The following TMEM163 variants were observed in gnomAD, a reference collection of about 807,000 sequenced individuals.
TMEM163 encodes the protein transmembrane protein 163.
A neutral mutation model predicts 29.3 loss-of-function variants in TMEM163; 17 were observed. That is an observed-to-expected ratio of 0.58 (90% CI 0.40 to 0.87). The LOEUF is 0.87. Ranked by LOEUF, TMEM163 falls within the 40% of genes least tolerant of loss-of-function variation. TMEM163 has a pLI of 0.00. For synonymous variants in TMEM163, 157 were observed against 160.6 expected, an observed-to-expected ratio of 0.98 and a Z score of 0.17; for missense variants, 303 against 381.5, an observed-to-expected ratio of 0.79 and a Z score of 1.71.
intron 2 of TMEM163, among the ~76,000 whole-genome samples, chr2:134,658,038 C>T (rs557102871): frequency 6.6e-6 from 1 of 152,188 alleles, no homozygotes; most frequent in South Asian, 2.1e-4. Flanking sequence ...TAAACATTTG[C>T]TTTAGAAACA....
intron 2 of TMEM163, among the ~76,000 whole-genome samples, chr2:134,590,921 T>G (rs955078087): frequency 6.6e-6 from 1 of 152,160 alleles, no homozygotes; most frequent in Non-Finnish European, 1.5e-5. Flanking sequence ...GCCTAAGACA[T>G]GCCCACAGCT....
chr2:134,684,235 T>G lies in TMEM163; in HGVS notation c.322+28965A>C, dbSNP rs150779846. Among the ~76,000 whole-genome samples the G allele has an allele frequency of 2.6e-5, 4 of 152,248 alleles. No homozygotes were observed. In the South Asian group the frequency reaches 8.3e-4, roughly 32 times the overall value. On this transcript the variant is annotated intron_variant, in intron 2 of 7. Transcript: ENST00000281924. ...CTGATTCTCTTAACAAATGTTGAAG[T>G]GAGCACCTTCTATCTGCGAGTAAAT...
At chr2:134,534,223 G>A (rs758186015) in intron 4 of TMEM163, among the ~76,000 whole-genome samples, 1 of 152,008 alleles carries the variant, frequency 6.6e-6, no homozygotes, top group Non-Finnish European at 1.5e-5. Flanking sequence ...GATAAAACAG[G>A]TTTTAGGAAA....
chr2:134,547,451 G>C (rs1391927208), intron 4 of TMEM163, among the ~76,000 whole-genome samples: 3 of 152,038 alleles, frequency 2.0e-5, no homozygotes, highest in African/African-American at 7.2e-5. Context: ...AAAAATAAAG[G>C]GAATTAGCTA....
At chr2:134,707,300 A>G (rs916820037) in intron 2 of TMEM163, among the ~76,000 whole-genome samples, 5 of 152,168 alleles carry the variant, frequency 3.3e-5, no homozygotes, top group African/African-American at 1.2e-4. Flanking sequence ...TGACATGAGG[A>G]GCGGCCAGAA....
At chr2:134,663,202 A>G (rs1451104258) in intron 2 of TMEM163, among the ~76,000 whole-genome samples, 4 of 152,242 alleles carry the variant, frequency 2.6e-5, no homozygotes, top group African/African-American at 7.2e-5. Flanking sequence ...TTCCCTTCCT[A>G]TAGGAATAAG....
At chr2:134,537,214 G>T (rs890522431) in intron 4 of TMEM163, among the ~76,000 whole-genome samples, 2 of 152,166 alleles carry the variant, frequency 1.3e-5, no homozygotes, top group African/African-American at 4.8e-5. Flanking sequence ...TCCCTATGTG[G>T]GTCTACCTGC....
intron 4 of TMEM163, among the ~76,000 whole-genome samples, chr2:134,529,282 G>C (rs1008166884): frequency 2.0e-5 from 3 of 152,172 alleles, no homozygotes; most frequent in African/African-American, 7.2e-5. Flanking sequence ...AGTGAGCTGA[G>C]ATCACGCCAC....
At chr2:134,602,028 C>A (rs1481305959) in intron 2 of TMEM163, among the ~76,000 whole-genome samples, 2 of 152,162 alleles carry the variant, frequency 1.3e-5, no homozygotes, top group South Asian at 4.2e-4. Flanking sequence ...CCAAACTTGT[C>A]CTTCAAGGAG....
At chr2:134,665,025 C>G (rs1683842697) in intron 2 of TMEM163, among the ~76,000 whole-genome samples, 1 of 152,100 alleles carries the variant, frequency 6.6e-6, no homozygotes. Flanking sequence ...AGGAGTGCAC[C>G]ACCATGCCCA....
At chr2:134,701,735 C>T (rs1446567638) in intron 2 of TMEM163, among the ~76,000 whole-genome samples, 2 of 151,786 alleles carry the variant, frequency 1.3e-5, no homozygotes, top group African/African-American at 4.8e-5. Context: ...CTGGCCAACA[C>T]GGTAAAACCC....
At chr2:134,496,775 T>G (rs1351340923) in intron 5 of TMEM163, among the ~76,000 whole-genome samples, 1 of 152,198 alleles carries the variant, frequency 6.6e-6, no homozygotes, top group Admixed American at 6.5e-5. Flanking sequence ...CTAAGCATCA[T>G]TTCTGACTTA....
intron 4 of TMEM163, among the ~76,000 whole-genome samples, chr2:134,544,893 A>G (rs1389031971): frequency 6.6e-6 from 1 of 152,196 alleles, no homozygotes; most frequent in African/African-American, 2.4e-5. Context: ...ATCGCACAGC[A>G]CAGATACAGA....
intron 2 of TMEM163, among the ~76,000 whole-genome samples, chr2:134,664,290 GC>G (rs1422790491): frequency 3.3e-5 from 5 of 152,248 alleles, no homozygotes; most frequent in African/African-American, 1.2e-4. Flanking sequence ...AGCTGTGTGA[GC>G]TCAGTGTCAA....
intron 5 of TMEM163, among the ~76,000 whole-genome samples, chr2:134,491,654 C>G (rs1368462610): frequency 6.6e-6 from 1 of 152,202 alleles, no homozygotes; most frequent in Non-Finnish European, 1.5e-5. Flanking sequence ...ATCTGAGGAT[C>G]TGTTTCCTTG....
chr2:134,709,231 G>A (rs1038203442), intron 2 of TMEM163, among the ~76,000 whole-genome samples: 1 of 152,028 alleles, frequency 6.6e-6, no homozygotes, highest in Non-Finnish European at 1.5e-5. Flanking sequence ...GCTGCCTACC[G>A]ATTATAAACA....
At chr2:134,588,342 G>A (rs868108033) in intron 2 of TMEM163, among the ~76,000 whole-genome samples, 12 of 152,190 alleles carry the variant, frequency 7.9e-5, no homozygotes, top group South Asian at 2.1e-4. Flanking sequence ...TAAAGCCATC[G>A]TCCACCACTG....
At chr2:134,699,030 C>A (rs2104889737) in intron 2 of TMEM163, among the ~76,000 whole-genome samples, 1 of 152,202 alleles carries the variant, frequency 6.6e-6, no homozygotes, top group South Asian at 2.1e-4. Context: ...TAGGATGTGA[C>A]CAGCACTTTT....
At chr2:134,530,580 T>C (rs1382934566) in intron 4 of TMEM163, among the ~76,000 whole-genome samples, 1 of 152,142 alleles carries the variant, frequency 6.6e-6, no homozygotes, top group East Asian at 1.9e-4. Context: ...CCAGGCCTAC[T>C]TCCCAATATA....
Sources: gnomAD v4.1 joint callset for allele counts (sites outside exome capture counted in the v4.1 genomes callset) on GRCh38, gnomAD v4.1.1 for gene constraint, MANE v1.5 for transcripts, NCBI Gene and HGNC (gene_info 2026-07-23, HGNC 2026-07-21) for gene names.